The following OSBPL9 variants were observed in gnomAD, a reference collection of about 807,000 sequenced individuals.
OSBPL9 encodes oxysterol binding protein like 9, also known as oxysterol-binding protein-related protein 9.
Under a neutral mutation model 106.6 loss-of-function variants are expected in OSBPL9, and 40 were observed. The observed-to-expected ratio is 0.38, with a 90% CI of 0.29 to 0.49. The LOEUF (loss-of-function observed/expected upper bound fraction) is 0.49, where lower values mean the gene tolerates loss of function less well. OSBPL9 is among the 20% of genes least tolerant of loss of function. The probability of loss-of-function intolerance (pLI) is 0.97; values close to 1 mark genes in which losing one functional copy is unlikely to be tolerated. For missense variants in OSBPL9, 609 were observed against 887.2 expected (o/e 0.69, Z 3.98); for synonymous variants, 269 against 295.4 (o/e 0.91, Z 0.92).
chr1:51,767,001 C>T (rs754601521), intron 12 of OSBPL9, among the ~76,000 whole-genome samples: 3 of 152,028 alleles, frequency 2.0e-5, no homozygotes, highest in Non-Finnish European at 4.4e-5. Flanking sequence ...ATCACTTGAA[C>T]CTGGGAGGCG....
At chr1:51,564,801 C>T in the OSBPL9 span, among the ~76,000 whole-genome samples, 1 of 152,190 alleles carries the variant, frequency 6.6e-6, no homozygotes, top group Non-Finnish European at 1.5e-5. Flanking sequence ...TTCCCTTGTT[C>T]CACTCAACAG....
intron 1 of OSBPL9, among the ~76,000 whole-genome samples, chr1:51,628,591 TA>T (rs1302624081): frequency 1.3e-5 from 2 of 149,438 alleles, no homozygotes; most frequent in Non-Finnish European, 3.0e-5. Flanking sequence ...CTCAAAAAAA[TA>T]AAAAAGAAAA....
At chr1:51,594,794 G>T (rs530270282) in intron 1 of OSBPL9, 1 of 152,228 alleles carries the variant, frequency 6.6e-6, no homozygotes, top group Non-Finnish European at 1.5e-5. Flanking sequence ...CTGCCTGACC[G>T]CTGGGACAGG....
In OSBPL9 at chr1:51,661,334, T is replaced by C. The variant is rs116082168; in HGVS notation, c.163-8100T>C. Among the ~76,000 whole-genome samples the C allele has an allele frequency of 4.2e-3, 634 of 152,296 alleles. 9 individuals are homozygous for C. Among genetic ancestry groups the C allele is most frequent in the African/African-American group, 0.015 (614 of 41,558 alleles). ...TAGCCAGAATTTTGTTTCTCTTTTT[T>C]TACCCCAAGCCGTGAGAGCAAAACT... is the stretch of plus-strand genomic sequence containing the variant. On this transcript the variant is annotated intron_variant, in intron 2 of 23. Transcript: ENST00000428468.
chr1:51,702,382 A>T (rs1191563622), intron 3 of OSBPL9, among the ~76,000 whole-genome samples: 2 of 152,054 alleles, frequency 1.3e-5, no homozygotes, highest in Non-Finnish European at 2.9e-5. Context: ...TTTGATTTGC[A>T]TTTCTCTGAT....
At chr1:51,749,892 A>G (rs1342880286) in intron 7 of OSBPL9, among the ~76,000 whole-genome samples, 2 of 151,148 alleles carry the variant, frequency 1.3e-5, no homozygotes, top group African/African-American at 2.4e-5. Context: ...AAAAAAAAAA[A>G]GAAAAAAAAA....
intron 1 of OSBPL9, among the ~76,000 whole-genome samples, chr1:51,589,131 C>T (rs754256058): frequency 6.6e-6 from 1 of 151,912 alleles, no homozygotes; most frequent in Non-Finnish European, 1.5e-5. Flanking sequence ...CTCTGTCACC[C>T]AGGCTGGAGT....
the OSBPL9 span, chr1:51,567,550 G>T: frequency 6.6e-6 from 1 of 152,162 alleles, no homozygotes; most frequent in Non-Finnish European, 1.5e-5. Context: ...TCCACAGGAG[G>T]ACCTCATATA....
At chr1:51,701,235 C>A (rs182676337) in intron 3 of OSBPL9, among the ~76,000 whole-genome samples, 1 of 152,180 alleles carries the variant, frequency 6.6e-6, no homozygotes, top group African/African-American at 2.4e-5. Context: ...CCACCGCGCC[C>A]GGCCCATTGT....
At chr1:51,536,198 GATAATGTCCTATATAGCAGTATTTTC>G in the OSBPL9 span, among the ~76,000 whole-genome samples, 1 of 152,170 alleles carries the variant, frequency 6.6e-6, no homozygotes, top group Non-Finnish European at 1.5e-5. Context: ...TAATTGGCCT[GATAATGTCCTATATAGCAGTATTTTC>G]CCCCATCAGG....
chr1:51,527,857 A>T, the OSBPL9 span, among the ~76,000 whole-genome samples: 1 of 151,972 alleles, frequency 6.6e-6, no homozygotes, highest in African/African-American at 2.4e-5. Context: ...TCATGCCTGT[A>T]GTCCCAGCAC....
intron 1 of OSBPL9, among the ~76,000 whole-genome samples, 190 bp from the exon 2 acceptor site, chr1:51,651,801 A>C (rs1032685353): frequency 6.6e-6 from 1 of 152,198 alleles, no homozygotes; most frequent in Non-Finnish European, 1.5e-5. Flanking sequence ...GTTAATTTAT[A>C]TAGACTGTAT....
chr1:51,604,952 T>C (rs1643935384), intron 2 of OSBPL9, among the ~76,000 whole-genome samples: 1 of 152,296 alleles, frequency 6.6e-6, no homozygotes, highest in South Asian at 2.1e-4. Context: ...GCACCTGGCC[T>C]AGCTTCATGT....
In OSBPL9 at chr1:51,761,897, G is replaced by C; in HGVS notation, c.704G>C (p.Arg235Pro). The C allele has an allele frequency of 6.2e-7, 1 of 1,613,752 alleles. No homozygotes were observed. The change falls in exon 11 of 24, where the codon CGT becomes CCT. Residue 235 changes from arginine to proline, a missense_variant. This residue lies in a region of OSBPL9 where 356 missense variants were observed against 505.8 expected (regional missense o/e 0.70). Coordinates refer to ENST00000428468, the MANE Select transcript of OSBPL9 (RefSeq NM_024586.6). ...GTTCAGTTGTGTAAGTCAGAGCAGC[G>C]TCCATCTTCCCTACCAGTTGGACCT... ...EPVQLCKSEQRPSSLPVGPVL... is the reference protein window; with the variant it reads ...EPVQLCKSEQPPSSLPVGPVL...
At chr1:51,694,475 G>A (rs992693948) in intron 3 of OSBPL9, among the ~76,000 whole-genome samples, 6 of 152,264 alleles carry the variant, frequency 3.9e-5, no homozygotes, top group South Asian at 4.1e-4. Context: ...AGATAACTGC[G>A]AATATTCTTT....
intron 4 of OSBPL9, chr1:51,730,017 G>A: frequency 3.1e-6 from 4 of 1,309,510 alleles, no homozygotes; most frequent in Non-Finnish European, 3.9e-6. Context: ...TAGACCCCGA[G>A]GGTCTGGGAG....
intron 2 of OSBPL9, among the ~76,000 whole-genome samples, chr1:51,609,507 C>CT (rs77430161): frequency 0.024 from 3,203 of 133,362 alleles, 66 homozygotes; most frequent in African/African-American, 0.051. Context: ...CCATGCCTGG[C>CT]TTTTTTTTTT....
intron 3 of OSBPL9, among the ~76,000 whole-genome samples, chr1:51,673,691 C>G (rs1050933987): frequency 7.2e-5 from 11 of 152,026 alleles, no homozygotes; most frequent in Non-Finnish European, 1.2e-4. Flanking sequence ...GGAAAATGGA[C>G]TAGATTTGAG....
Position 51,784,304 on chromosome 1 carries a change from C to G in OSBPL9, c.1665C>G (p.Leu555=), listed in dbSNP as rs377147799. 8 of 1,613,996 alleles carry G rather than the reference C, an allele frequency of 5.0e-6. No homozygotes were observed. The Admixed American group carries it at 1.3e-4, about 27-fold the overall frequency. ...SCLDYDEHYI[L]TFPNGYGRSI... is the part of the protein sequence containing the mutation. ...TAGACTATGATGAACATTACATTCT[C>G]ACATTCCCCAATGGCTATGGAAGGC... The change falls in exon 19 of 24, where the codon CTC becomes CTG. Residue 555 remains leucine, a synonymous_variant. Transcript: ENST00000428468.
Sources: gnomAD v4.1 joint callset for allele counts (sites outside exome capture counted in the v4.1 genomes callset) on GRCh38, gnomAD v4.1.1 for gene constraint, gnomAD v4.1.1 regional missense constraint, MANE v1.5 for transcripts, NCBI Gene and HGNC (gene_info 2026-07-23, HGNC 2026-07-21) for gene names.